Variants in DOCK3 observed in about 807,000 individuals in gnomAD.
DOCK3 encodes the protein dedicator of cytokinesis 3.
In DOCK3, 60 loss-of-function variants were observed where a neutral mutation model predicts 265.6. The ratio of observed to expected loss-of-function variants is 0.23; its 90% confidence interval spans 0.18 to 0.28. DOCK3 has a LOEUF of 0.28. Among genes scored for constraint, DOCK3 ranks in the 10% least tolerant of loss-of-function variants. The pLI is 1.00. For synonymous variants in DOCK3, 881 were observed against 938.0 expected (o/e 0.94, Z 1.11); for missense variants, 1,981 against 2,594.3 (o/e 0.76, Z 5.14).
chr3:50,742,561 G>A lies in DOCK3; in HGVS notation c.38-36114G>A, dbSNP rs1457761789. 2.0e-5 allele frequency among the ~76,000 whole-genome samples: 3 copies of A among 152,066 alleles called. No homozygotes were observed. In the East Asian group the frequency reaches 5.8e-4, roughly 29 times the overall value. ...CTACGTGAAGAATGCAGAAGCCTCAGGAGCCGATGCGATCAACTGGAAGAA... is the reference window on the plus strand; with the variant it reads ...CTACGTGAAGAATGCAGAAGCCTCAAGAGCCGATGCGATCAACTGGAAGAA... On this transcript the variant is annotated intron_variant, in intron 1 of 52. Coordinates refer to ENST00000266037, the MANE Select transcript of DOCK3 (RefSeq NM_004947.5).
chr3:51,151,032 T>C (rs1319374813), intron 10 of DOCK3, among the ~76,000 whole-genome samples: 2 of 151,994 alleles, frequency 1.3e-5, no homozygotes, highest in Non-Finnish European at 2.9e-5. Context: ...TTAGCTCTTC[T>C]TGTTGAATTG....
At chr3:51,255,232 A>T (rs2079481565) in intron 22 of DOCK3, among the ~76,000 whole-genome samples, 1 of 152,168 alleles carries the variant, frequency 6.6e-6, no homozygotes, top group Non-Finnish European at 1.5e-5. Flanking sequence ...CTGCTGAGAG[A>T]TCCCCTGTTA....
chr3:51,054,191 A>G (rs973682835), intron 5 of DOCK3, among the ~76,000 whole-genome samples: 1 of 151,716 alleles, frequency 6.6e-6, no homozygotes, highest in African/African-American at 2.4e-5. Context: ...ACATATTTAA[A>G]ATGTATTTAG....
chr3:51,185,002 C>T (rs1219067687), intron 12 of DOCK3, among the ~76,000 whole-genome samples: 6 of 152,094 alleles, frequency 3.9e-5, no homozygotes, highest in African/African-American at 1.4e-4. Context: ...GAAAACTCTA[C>T]AAAATACCTG....
intron 1 of DOCK3, among the ~76,000 whole-genome samples, chr3:50,737,821 A>G (rs2038740598): frequency 1.3e-5 from 2 of 152,084 alleles, no homozygotes; most frequent in South Asian, 4.1e-4. Context: ...TATTTCATTC[A>G]GTTGTCTGTG....
rs146944689 is a variant in DOCK3, at chr3:51,070,746, G to A, written c.465-4610G>A. On this transcript the variant is annotated intron_variant, in intron 6 of 52. Transcript: ENST00000266037. ...ACTGGGTCCCCATCCCCTGGGCTGCGGACCCCTGTTAGAAACTGGGCTGCA... is the reference window on the plus strand; with the variant it reads ...ACTGGGTCCCCATCCCCTGGGCTGCAGACCCCTGTTAGAAACTGGGCTGCA... Among the ~76,000 whole-genome samples the A allele has an allele frequency of 8.5e-5, 13 of 152,158 alleles. 1 individual carries two copies. In the East Asian group the frequency reaches 1.9e-3, roughly 23 times the overall value.
intron 22 of DOCK3, among the ~76,000 whole-genome samples, chr3:51,258,690 A>G (rs2079683659): frequency 1.3e-5 from 2 of 151,998 alleles, no homozygotes; most frequent in South Asian, 4.1e-4. Context: ...ACCTATAGGG[A>G]TTCTAGTCCC....
chr3:51,122,733 G>A (rs2084083446), intron 9 of DOCK3, among the ~76,000 whole-genome samples: 3 of 152,204 alleles, frequency 2.0e-5, no homozygotes, highest in Admixed American at 1.3e-4. Context: ...TGGAAAAAGT[G>A]GAAAAGGAAA....
intron 5 of DOCK3, among the ~76,000 whole-genome samples, chr3:50,977,368 G>C (rs994977206): frequency 3.3e-5 from 5 of 152,028 alleles, no homozygotes; most frequent in Non-Finnish European, 7.4e-5. Flanking sequence ...GCATTTGCTT[G>C]TCTGTAAAGT....
chr3:50,789,597 G>T (rs1474800617), intron 2 of DOCK3, among the ~76,000 whole-genome samples: 1 of 152,164 alleles, frequency 6.6e-6, no homozygotes, highest in Non-Finnish European at 1.5e-5. Flanking sequence ...CACCATTATT[G>T]TGTTGCCATC....
chr3:50,967,274 T>C (rs2077062098), intron 5 of DOCK3, among the ~76,000 whole-genome samples: 1 of 152,188 alleles, frequency 6.6e-6, no homozygotes, highest in African/African-American at 2.4e-5. Context: ...GTGATATTTG[T>C]CATTCTGTGC....
chr3:50,676,793 T>C (rs1182369255), intron 1 of DOCK3, among the ~76,000 whole-genome samples: 6 of 152,164 alleles, frequency 3.9e-5, no homozygotes, highest in Non-Finnish European at 8.8e-5. Flanking sequence ...TTACTGGTGG[T>C]GTGGGCAAGT....
chr3:51,234,636 A>G (rs765618622), intron 19 of DOCK3, among the ~76,000 whole-genome samples: 18 of 152,230 alleles, frequency 1.2e-4, no homozygotes, highest in Non-Finnish European at 2.4e-4. Flanking sequence ...AGAACTCTAA[A>G]TACTGCTCAT....
chr3:50,972,832 A>T (rs945623562), intron 5 of DOCK3, among the ~76,000 whole-genome samples: 1 of 150,020 alleles, frequency 6.7e-6, no homozygotes, highest in Non-Finnish European at 1.5e-5. Flanking sequence ...TGTATTTTGA[A>T]ATCAGGTAAT....
At chr3:50,935,961 T>G (rs1457312438) in intron 5 of DOCK3, among the ~76,000 whole-genome samples, 2 of 152,046 alleles carry the variant, frequency 1.3e-5, no homozygotes, top group African/African-American at 2.4e-5. Flanking sequence ...AAATAGAAAC[T>G]CAACAGATGC....
intron 14 of DOCK3, among the ~76,000 whole-genome samples, chr3:51,225,217 A>G (rs1419427847): frequency 6.6e-6 from 1 of 152,218 alleles, no homozygotes; most frequent in Non-Finnish European, 1.5e-5. Flanking sequence ...AAAGCATATA[A>G]AAAGTATAAA....
At chr3:51,369,448 T>C (rs766444563) in intron 49 of DOCK3, among the ~76,000 whole-genome samples, 2 of 152,102 alleles carry the variant, frequency 1.3e-5, no homozygotes, top group Admixed American at 6.5e-5. Context: ...GTATCAGTGA[T>C]TGAAGATCAA....
chr3:51,022,056 A>G (rs907797262), intron 5 of DOCK3, among the ~76,000 whole-genome samples: 3 of 152,244 alleles, frequency 2.0e-5, no homozygotes, highest in African/African-American at 4.8e-5. Context: ...AGTTTTCAGT[A>G]TAAAGCCTTG....
At chr3:51,301,118 G>C (rs2101055) in intron 27 of DOCK3, among the ~76,000 whole-genome samples, 125,022 of 152,124 alleles carry the variant, frequency 0.82, 51,961 homozygotes, top group Middle Eastern at 0.9. Context: ...ACTTCTTCCT[G>C]GTTTAGTCTT....
Sources: gnomAD v4.1 joint callset for allele counts (sites outside exome capture counted in the v4.1 genomes callset) on GRCh38, gnomAD v4.1.1 for gene constraint, MANE v1.5 for transcripts, NCBI Gene and HGNC (gene_info 2026-07-23, HGNC 2026-07-21) for gene names.